The following PWWP2A variants were observed in gnomAD, a reference collection of about 807,000 sequenced individuals.
PWWP2A encodes the protein PWWP domain-containing protein 2A.
A neutral mutation model predicts 48.5 loss-of-function variants in PWWP2A; 18 were observed. That is an observed-to-expected ratio of 0.37 (90% CI 0.26 to 0.55). PWWP2A has a LOEUF of 0.55. Ranked by LOEUF, PWWP2A falls within the 20% of genes least tolerant of loss-of-function variation. The pLI is 0.81. For synonymous variants in PWWP2A, 396 were observed against 387.7 expected, an observed-to-expected ratio of 1.02 and a Z score of -0.25; for missense variants, 867 against 976.4, an observed-to-expected ratio of 0.89 and a Z score of 1.49.
At chr5:160,059,947 C>T (rs1757654833), downstream of PWWP2A, among the ~76,000 whole-genome samples, 1 of 152,192 alleles carries the variant, frequency 6.6e-6, no homozygotes, top group Admixed American at 6.5e-5. Flanking sequence ...TTGTAAAAAA[C>T]ACAATATCTG....
chr5:160,107,857 C>A (rs934701082), intron 1 of PWWP2A, among the ~76,000 whole-genome samples: 6 of 152,018 alleles, frequency 3.9e-5, no homozygotes, highest in Non-Finnish European at 8.8e-5. Flanking sequence ...AAAAATTAGC[C>A]GGATATGGTG....
chr5:160,058,062 C>T (rs556652700), downstream of PWWP2A, among the ~76,000 whole-genome samples: 6 of 152,176 alleles, frequency 3.9e-5, no homozygotes, highest in South Asian at 1.2e-3. Context: ...CCACTGTGCC[C>T]GGCCAGTTTA....
the PWWP2A span, among the ~76,000 whole-genome samples, chr5:160,048,105 A>T: frequency 1.3e-5 from 2 of 150,178 alleles, no homozygotes; most frequent in Admixed American, 6.7e-5. Flanking sequence ...AAAAGAAAAA[A>T]GTTCTAGAGC....
downstream of PWWP2A, among the ~76,000 whole-genome samples, chr5:160,071,340 G>T (rs1753734971): frequency 6.6e-6 from 1 of 152,168 alleles, no homozygotes; most frequent in Non-Finnish European, 1.5e-5. Context: ...GAGCTTTTTA[G>T]AGGCATTTTA....
chr5:160,117,934 GA>G, intron 1 of PWWP2A: 1 of 951,616 alleles, frequency 1.1e-6, no homozygotes, highest in Non-Finnish European at 1.3e-6. Context: ...ATCTGCAAAA[GA>G]AGAGAATAAA....
At chr5:160,090,265 T>C (rs1408000691), downstream of PWWP2A, 7 of 985,310 alleles carry the variant, frequency 7.1e-6, no homozygotes, top group African/African-American at 3.5e-5. Context: ...ACCATATCAG[T>C]AATGTCTACT....
chr5:160,045,682 C>G, the PWWP2A span, among the ~76,000 whole-genome samples: 6,251 of 152,042 alleles, frequency 0.041, 158 homozygotes, highest in East Asian at 0.12. Context: ...ACCTCAGTCT[C>G]CTAAGTAGCT....
intron 1 of PWWP2A, among the ~76,000 whole-genome samples, chr5:160,096,637 A>AT (rs1217008551): frequency 6.6e-6 from 1 of 152,124 alleles, no homozygotes; most frequent in South Asian, 2.1e-4. Context: ...GATTTATAAA[A>AT]TTTTTTTATA....
the PWWP2A span, among the ~76,000 whole-genome samples, chr5:160,050,161 C>A: frequency 0.066 from 10,041 of 151,328 alleles, 376 homozygotes; most frequent in East Asian, 0.12. Flanking sequence ...AAAAACAAAC[C>A]AACAGGCTGG....
chr5:160,102,110 C>CA (rs61608471), intron 1 of PWWP2A, among the ~76,000 whole-genome samples: 1,351 of 58,962 alleles, frequency 0.023, 17 homozygotes, highest in South Asian at 0.085. Flanking sequence ...AACTTGGTGT[C>CA]AAAAAAAAAA....
At chr5:160,045,698 T>C in the PWWP2A span, among the ~76,000 whole-genome samples, 1 of 152,066 alleles carries the variant, frequency 6.6e-6, no homozygotes, top group African/African-American at 2.4e-5. Context: ...TAGCTGGGAC[T>C]ACAGGTGCAC....
chr5:160,066,038 T>G (rs535500038), intron 4 of PWWP2A, among the ~76,000 whole-genome samples: 31 of 152,224 alleles, frequency 2.0e-4, no homozygotes, highest in Non-Finnish European at 3.8e-4. Flanking sequence ...GTAAGTGACA[T>G]GCAGTAGTCA....
chr5:160,073,633 T>C (rs1182065358), downstream of PWWP2A, among the ~76,000 whole-genome samples: 3 of 152,200 alleles, frequency 2.0e-5, no homozygotes. Context: ...AAAGTACTCT[T>C]AACGCTTAAA....
downstream of PWWP2A, chr5:160,090,580 A>G (rs1754981843): frequency 1.0e-6 from 1 of 984,512 alleles, no homozygotes; most frequent in African/African-American, 1.7e-5. Flanking sequence ...ATCAAAAAGC[A>G]TTGAGTGAGT....
Position 160,077,233 on chromosome 5 carries a change from C to T in PWWP2A, c.*922G>A, listed in dbSNP as rs1182570395. ...TGGAATTTCTTGCACTTAGGAGCGG[C>T]TCTCTATGGAGAGAGGTCCACATCA... On this transcript the variant is annotated 3_prime_UTR_variant, in exon 4 of 4. Transcript: ENST00000456329. This position sits in a 1 kb window ranked among gnomAD's most constrained non-coding sequence, Gnocchi z 4.2. The T allele has an allele frequency of 2.0e-5, 3 of 152,168 alleles. No homozygotes were observed. Among genetic ancestry groups the T allele is most frequent in the African/African-American group, 4.8e-5 (2 of 41,432 alleles). 9.4% of individuals were successfully genotyped at this position (152,168 alleles called of 1,614,324 possible). A position where few individuals can be genotyped will look rare whatever the true frequency, so the allele number is the denominator to read the frequency against.
chr5:160,085,911 T>C (rs1291956963), intron 2 of PWWP2A, among the ~76,000 whole-genome samples: 1 of 151,924 alleles, frequency 6.6e-6, no homozygotes, highest in Non-Finnish European at 1.5e-5. Context: ...CTCTGCCTAC[T>C]GGGTTCACGG....
intron 2 of PWWP2A, among the ~76,000 whole-genome samples, chr5:160,081,411 T>TA (rs1754225536): frequency 6.6e-6 from 1 of 152,120 alleles, no homozygotes; most frequent in Admixed American, 6.5e-5. Context: ...GCTAATTTTT[T>TA]ATATTTTTAG....
Position 160,118,983 on chromosome 5 carries a change from G to C in PWWP2A, c.406C>G (p.Pro136Ala). 1 of 1,597,466 alleles carries C rather than the reference G, an allele frequency of 6.3e-7. No homozygotes were observed. Among genetic ancestry groups the C allele is most frequent in the Non-Finnish European group, 8.5e-7 (1 of 1,173,998 alleles). The part of the protein sequence containing the change: ...APEEREEPPL[P>A]QPVAPALVPP... ...ACGAGCGCCGGGGCTACGGGCTGAG[G>C]CAGCGGCGGCTCCTCGCGCTCCTCG... The change falls in exon 1 of 2, where the codon CCT becomes GCT. Residue 136 changes from proline to alanine, a missense_variant. Coordinates refer to ENST00000307063, the MANE Select transcript of PWWP2A (RefSeq NM_001130864.2).
At chr5:160,074,994 C>G (rs1753834065), downstream of PWWP2A, among the ~76,000 whole-genome samples, 1 of 151,922 alleles carries the variant, frequency 6.6e-6, no homozygotes, top group South Asian at 2.1e-4. Flanking sequence ...CTTACGCTTT[C>G]TTATGTGAAG....
Sources: allele counts gnomAD v4.1 joint callset (sites outside exome capture counted in the v4.1 genomes callset), GRCh38; gene constraint gnomAD v4.1.1; non-coding constraint Gnocchi (gnomAD v3.1); transcripts MANE v1.5; gene names NCBI Gene and HGNC (gene_info 2026-07-23, HGNC 2026-07-21).